Variants in GRID2 observed in about 807,000 individuals in gnomAD.
GRID2 encodes glutamate receptor ionotropic, delta-2.
Under a neutral mutation model 114.8 loss-of-function variants are expected in GRID2, and 33 were observed. The observed-to-expected ratio is 0.29, with a 90% CI of 0.22 to 0.38. The LOEUF (loss-of-function observed/expected upper bound fraction) is 0.38. Among genes scored for constraint, GRID2 ranks in the 10% least tolerant of loss-of-function variants. The probability of loss-of-function intolerance (pLI) is 1.00; values close to 1 mark genes in which losing one functional copy is unlikely to be tolerated. For synonymous variants in GRID2, 505 were observed against 449.9 expected (o/e 1.12, Z -1.55); for missense variants, 1,184 against 1,257.7 (o/e 0.94, Z 0.89).
In GRID2 at chr4:92,484,604, T is replaced by C. The variant is rs574908254; in HGVS notation, c.89-105527T>C. On this transcript the variant is annotated intron_variant, in intron 1 of 15. Transcript: ENST00000282020. ...CAACATAATTTTATATAATATTTTATATAATACTTGTTGAATAAAGAAGAA... is the reference window on the plus strand; with the variant it reads ...CAACATAATTTTATATAATATTTTACATAATACTTGTTGAATAAAGAAGAA... Among the ~76,000 whole-genome samples, 328 of 152,130 alleles carry C rather than the reference T, an allele frequency of 2.2e-3. 2 individuals are homozygous for C. The highest frequency in any genetic ancestry group is 7.5e-3 in the African/African-American group (313 of 41,520).
At chr4:93,695,615 A>C (rs1726953190) in intron 14 of GRID2, among the ~76,000 whole-genome samples, 3 of 152,242 alleles carry the variant, frequency 2.0e-5, no homozygotes, top group African/African-American at 7.2e-5. Flanking sequence ...GGTGCTGAAA[A>C]ATCACCAACA....
At chr4:92,492,773 A>G (rs918619203) in intron 1 of GRID2, among the ~76,000 whole-genome samples, 7 of 152,256 alleles carry the variant, frequency 4.6e-5, no homozygotes, top group Middle Eastern at 3.4e-3. Context: ...AAAAAATTTT[A>G]TTATCAAAAA....
chr4:92,567,500 C>A (rs1401642355), intron 1 of GRID2, among the ~76,000 whole-genome samples: 1 of 151,906 alleles, frequency 6.6e-6, no homozygotes, highest in Non-Finnish European at 1.5e-5. Context: ...AAGAAGGATA[C>A]TTGGGAATTT....
At chr4:92,473,356 G>A (rs1051927939) in intron 1 of GRID2, among the ~76,000 whole-genome samples, 1 of 151,858 alleles carries the variant, frequency 6.6e-6, no homozygotes, top group African/African-American at 2.4e-5. Flanking sequence ...CTTACACATC[G>A]GTCGTCTTAT....
intron 2 of GRID2, among the ~76,000 whole-genome samples, chr4:92,985,150 A>C (rs1015856597): frequency 7.9e-5 from 12 of 151,980 alleles, no homozygotes; most frequent in Admixed American, 6.6e-4. Flanking sequence ...CATCTGCAAC[A>C]ATTATTACCG....
At chr4:92,792,909 T>G (rs78276795) in intron 2 of GRID2, among the ~76,000 whole-genome samples, 2 of 146,664 alleles carry the variant, frequency 1.4e-5, no homozygotes, top group East Asian at 2.1e-4. Flanking sequence ...TTTTTTTTTT[T>G]GTCATTTTGC....
chr4:92,976,562 A>G (rs576926264), intron 2 of GRID2, among the ~76,000 whole-genome samples: 1 of 152,228 alleles, frequency 6.6e-6, no homozygotes, highest in Admixed American at 6.5e-5. Flanking sequence ...CCCTAAGTAT[A>G]TAATACATTT....
At chr4:92,514,048 T>G (rs927904732) in intron 1 of GRID2, among the ~76,000 whole-genome samples, 2 of 151,836 alleles carry the variant, frequency 1.3e-5, no homozygotes, top group Non-Finnish European at 2.9e-5. Flanking sequence ...GGACCAACAA[T>G]GGGCAGGCAT....
At chr4:93,790,359 A>T (rs1187096322) in intron 1 of GRID2, among the ~76,000 whole-genome samples, 1 of 152,184 alleles carries the variant, frequency 6.6e-6, no homozygotes, top group East Asian at 1.9e-4. Flanking sequence ...ATCTACAATG[A>T]TTACTTAGAA....
At chr4:92,944,797 T>A (rs1303959483) in intron 2 of GRID2, among the ~76,000 whole-genome samples, 2 of 152,226 alleles carry the variant, frequency 1.3e-5, no homozygotes, top group Admixed American at 6.5e-5. Flanking sequence ...TCCTATAGTA[T>A]GTTGGACTTA....
chr4:92,878,409 A>G (rs565710460), intron 2 of GRID2, among the ~76,000 whole-genome samples: 42 of 152,238 alleles, frequency 2.8e-4, no homozygotes, highest in African/African-American at 9.1e-4. Flanking sequence ...ACTTCAATAA[A>G]TTTGATCTTA....
chr4:93,589,467 G>A (rs1309464804), intron 13 of GRID2, among the ~76,000 whole-genome samples: 1 of 151,924 alleles, frequency 6.6e-6, no homozygotes, highest in Non-Finnish European at 1.5e-5. Flanking sequence ...GGACATTTGG[G>A]TTGGTTCCAA....
At chr4:93,648,006 T>C (rs1340645136) in intron 14 of GRID2, among the ~76,000 whole-genome samples, 1 of 152,146 alleles carries the variant, frequency 6.6e-6, no homozygotes, top group South Asian at 2.1e-4. Flanking sequence ...GAGTAGCTAC[T>C]CAAGTTATAG....
At chr4:92,525,231 C>T (rs1579516561) in intron 1 of GRID2, among the ~76,000 whole-genome samples, 1 of 150,504 alleles carries the variant, frequency 6.6e-6, no homozygotes, top group Non-Finnish European at 1.5e-5. Flanking sequence ...GAGAATAGGA[C>T]ATTTGAATAT....
chr4:92,976,901 G>A (rs1006463540), intron 2 of GRID2, among the ~76,000 whole-genome samples: 1 of 152,012 alleles, frequency 6.6e-6, no homozygotes, highest in Non-Finnish European at 1.5e-5. Flanking sequence ...CATTAAAGTA[G>A]GAACCCATGT....
intron 1 of GRID2, among the ~76,000 whole-genome samples, chr4:92,561,899 C>T (rs1318799072): frequency 1.3e-5 from 2 of 152,110 alleles, no homozygotes; most frequent in Non-Finnish European, 1.5e-5. Context: ...CAGAAGATCA[C>T]GTGATTCTGG....
rs991157409 is a variant in GRID2 at position 93,227,442 on chromosome 4, C to T, written c.1125+2667C>T. ...CGGGGTTTCATCATGTTGGCCAGGC[C>T]GTTCTTGATCTCCTGACCTCATGAT... On this transcript the variant is annotated intron_variant, in intron 7 of 15. Coordinates refer to ENST00000282020, the MANE Select transcript of GRID2 (RefSeq NM_001510.4). Among the ~76,000 whole-genome samples the T allele has an allele frequency of 1.3e-4, 20 of 151,834 alleles. 1 individual carries two copies. The highest frequency in any genetic ancestry group is 1.1e-3 in the Admixed American group (17 of 15,240).
At chr4:93,430,731 T>C (rs1769330438) in intron 10 of GRID2, among the ~76,000 whole-genome samples, 1 of 152,174 alleles carries the variant, frequency 6.6e-6, no homozygotes, top group African/African-American at 2.4e-5. Flanking sequence ...TATAATACAA[T>C]GCACTAGGTG....
chr4:93,451,211 T>A (rs145249736), intron 10 of GRID2, among the ~76,000 whole-genome samples: 266 of 151,992 alleles, frequency 1.8e-3, no homozygotes, highest in African/African-American at 4.9e-3. Flanking sequence ...AGTGGAGGAG[T>A]CAAACATTAT....
Sources: gnomAD v4.1 joint callset for allele counts (sites outside exome capture counted in the v4.1 genomes callset) on GRCh38, gnomAD v4.1.1 for gene constraint, MANE v1.5 for transcripts, NCBI Gene and HGNC (gene_info 2026-07-23, HGNC 2026-07-21) for gene names.